Variants in TSGA13 observed in about 807,000 individuals in gnomAD.
TSGA13 encodes the protein testis-specific gene 13 protein.
In TSGA13, 37 loss-of-function variants were observed where a neutral mutation model predicts 35.1. That is an observed-to-expected ratio of 1.05 (90% confidence interval 0.81 to 1.39). The LOEUF (loss-of-function observed/expected upper bound fraction) is 1.39, where lower values mean the gene tolerates loss of function less well. TSGA13 is among the 40% of genes most tolerant of loss of function. The probability of loss-of-function intolerance (pLI) is 0.00; values close to 1 mark genes in which losing one functional copy is unlikely to be tolerated. For synonymous variants in TSGA13, 124 were observed against 121.2 expected (o/e 1.02, Z -0.15); for missense variants, 338 against 328.5 (o/e 1.03, Z -0.22).
chr7:130,674,291 G>A (rs1796360988), intron 5 of TSGA13, among the ~76,000 whole-genome samples: 1 of 141,832 alleles, frequency 7.1e-6, no homozygotes, highest in Non-Finnish European at 1.5e-5. Flanking sequence ...TCCTGCCTCA[G>A]CCTCCCGAGT....
intron 5 of TSGA13, among the ~76,000 whole-genome samples, chr7:130,673,291 C>A (rs1206461794): frequency 1.3e-5 from 2 of 152,116 alleles, no homozygotes; most frequent in African/African-American, 4.8e-5. Context: ...ATTCCATTCT[C>A]CTTAATGAGA....
At chr7:130,669,821 G>T (rs558969713) in intron 7 of TSGA13, among the ~76,000 whole-genome samples, 1 of 152,220 alleles carries the variant, frequency 6.6e-6, no homozygotes, top group Non-Finnish European at 1.5e-5. Flanking sequence ...GCTTGTAAAG[G>T]TCAAGTCATA....
At chr7:130,685,056 ACAAT>A in intron 2 of TSGA13, 128 bp downstream of exon 2, 1 of 971,458 alleles carries the variant, frequency 1.0e-6, no homozygotes, top group Non-Finnish European at 1.6e-6. Context: ...TGATCCAGGG[ACAAT>A]CAGTCAATTA....
At chr7:130,673,376 A>G (rs1242395617) in intron 5 of TSGA13, among the ~76,000 whole-genome samples, 2 of 152,212 alleles carry the variant, frequency 1.3e-5, no homozygotes, top group Non-Finnish European at 2.9e-5. Context: ...TCTTTCAGAA[A>G]GAATCTTAAG....
intron 3 of TSGA13, 96 bp from the exon 4 acceptor site, chr7:130,681,113 C>T: frequency 2.0e-6 from 2 of 1,020,074 alleles, no homozygotes; most frequent in South Asian, 2.8e-5. Flanking sequence ...GAGAACTGGT[C>T]TCTAACTTAC....
rs1796595101 is a variant in TSGA13 at position 130,683,525 on chromosome 7, C to T, written c.102+69G>A. 6 of 1,421,080 alleles carry T rather than the reference C, an allele frequency of 4.2e-6. No individual in the cohort carries two copies. The East Asian group carries it at 1.2e-4, about 28-fold the overall frequency. 88.0% of individuals were successfully genotyped at this position (1,421,080 alleles called of 1,614,324 possible). ...TTTCAATAGGGAAGTTTGTGATATCCAGCTTATTAAGTACACTAAGCAGCT... is the reference window on the plus strand; with the variant it reads ...TTTCAATAGGGAAGTTTGTGATATCTAGCTTATTAAGTACACTAAGCAGCT... On this transcript the variant is annotated intron_variant, in intron 3 of 7. Coordinates refer to ENST00000356588, the MANE Select transcript of TSGA13 (RefSeq NM_052933.4).
intron 7 of TSGA13, 152 bp downstream of exon 7, chr7:130,671,509 C>T: frequency 1.2e-6 from 1 of 838,566 alleles, no homozygotes; most frequent in Non-Finnish European, 1.7e-6. Context: ...TTTTGAGCCT[C>T]TATTTGTTGT....
In TSGA13 at chr7:130,669,047, C is replaced by A. The variant is rs782669312; in HGVS notation, c.795G>T (p.Gln265His). The change falls in exon 8 of 8, where the codon CAG becomes CAT. Residue 265 changes from glutamine to histidine, a missense_variant. Gln to His is a conservative substitution (Grantham distance 24). Coordinates refer to ENST00000356588, the MANE Select transcript of TSGA13 (RefSeq NM_052933.4). ...TGACCGTGGCCTTTTTGATAATCCA[C>A]TGCGGGGCCCTCCCGTTGCGGAAGG... ...ESAFRNGRAP[Q>H]WIIKKATVIG is the part of the protein sequence containing the mutation. 39 of 1,614,116 alleles carry A rather than the reference C, an allele frequency of 2.4e-5. No homozygotes were observed. Among genetic ancestry groups the A allele is most frequent in the Non-Finnish European group, 3.1e-5 (37 of 1,180,050 alleles).
chr7:130,681,918 A>T (rs1796556217), intron 3 of TSGA13, among the ~76,000 whole-genome samples: 2 of 152,108 alleles, frequency 1.3e-5, no homozygotes, highest in South Asian at 4.1e-4. Flanking sequence ...TGTTCAGATC[A>T]GCATTTCTTT....
intron 4 of TSGA13, among the ~76,000 whole-genome samples, chr7:130,679,826 A>G (rs1196584239): frequency 1.3e-5 from 2 of 152,166 alleles, no homozygotes; most frequent in Admixed American, 1.3e-4. Context: ...ACGCAGCCCT[A>G]AAATGTGTTT....
upstream of TSGA13, chr7:130,686,731 CACACACACAT>C (rs1372462227): frequency 6.6e-6 from 1 of 151,778 alleles, no homozygotes; most frequent in African/African-American, 2.4e-5. Flanking sequence ...CACACACACA[CACACACACAT>C]CTTCACCATC....
upstream of TSGA13, chr7:130,686,739 C>T (rs1337945642): frequency 1.4e-5 from 2 of 146,624 alleles, no homozygotes; most frequent in Non-Finnish European, 3.0e-5. Flanking sequence ...CACACACACA[C>T]ATCTTCACCA....
At chr7:130,683,815 A>G (rs1406049123) in intron 2 of TSGA13, 143 bp from the exon 3 acceptor site, 24 of 643,490 alleles carry the variant, frequency 3.7e-5, no homozygotes, top group Non-Finnish European at 4.5e-5. Flanking sequence ...TTGACTAAGT[A>G]GCAAAAAAAT....
intron 3 of TSGA13, among the ~76,000 whole-genome samples, chr7:130,681,243 A>G (rs1404588658): frequency 6.6e-6 from 1 of 152,212 alleles, no homozygotes; most frequent in East Asian, 1.9e-4. Flanking sequence ...GACACTTGTC[A>G]GCGGAAATGG....
chr7:130,685,389 G>C (rs1796637910), intron 1 of TSGA13, 29 bp from the exon 2 acceptor site: 1 of 1,387,722 alleles, frequency 7.2e-7, no homozygotes, highest in South Asian at 1.9e-5. Context: ...AAGACTGATA[G>C]GTGCTATTGT....
In TSGA13 at chr7:130,686,516, A is replaced by G. The variant is rs1247989455; in HGVS notation, c.-405T>C. The G allele has an allele frequency of 1.3e-5, 2 of 152,088 alleles. No homozygotes were observed. The highest frequency in any genetic ancestry group is 2.9e-5 in the Non-Finnish European group (2 of 68,024). The allele number at this position is 152,088 out of a possible 1,614,324, so 9.4% of individuals were successfully genotyped here. On this transcript the variant is annotated 5_prime_UTR_variant, in exon 1 of 8. Transcript: ENST00000356588. ...TTGGCATGGGAACTTTCCATTTTGA[A>G]AATATCGTAATTATTCTTTTCTGGA...
chr7:130,683,462 A>T, intron 3 of TSGA13, 132 bp downstream of exon 3: 1 of 714,200 alleles, frequency 1.4e-6, no homozygotes, highest in Non-Finnish European at 2.3e-6. Flanking sequence ...TTGACAAGTT[A>T]ACCTTGTTTT....
chr7:130,685,506 T>G lies in TSGA13; in HGVS notation c.-150-146A>C, dbSNP rs553000379. The G allele has an allele frequency of 1.1e-5, 8 of 708,250 alleles. No individual in the cohort carries two copies. In the South Asian group the frequency reaches 3.6e-4, roughly 32 times the overall value. The allele number at this position is 708,250 out of a possible 1,614,324, so 43.9% of individuals were successfully genotyped here. ...GCGATTATCCAATGTAAAACAATAG[T>G]GACAAATACATGCTAATATATTAGG... On this transcript the variant is annotated intron_variant, in intron 1 of 7. Coordinates refer to ENST00000356588, the MANE Select transcript of TSGA13 (RefSeq NM_052933.4).
chr7:130,680,900 TGAAACTTCCCCTTAGA>T, intron 4 of TSGA13, 30 bp downstream of exon 4: 1 of 1,585,768 alleles, frequency 6.3e-7, no homozygotes, highest in Non-Finnish European at 8.7e-7. Flanking sequence ...GCACCACTGC[TGAAACTTCCCCTTAGA>T]GATCTTGGGG....
Sources: gnomAD v4.1 joint callset for allele counts (sites outside exome capture counted in the v4.1 genomes callset) on GRCh38, gnomAD v4.1.1 for gene constraint, MANE v1.5 for transcripts, NCBI Gene and HGNC (gene_info 2026-07-23, HGNC 2026-07-21) for gene names.